CSMD1: variants seen among roughly 807,000 people sequenced by gnomAD.
The protein encoded by CSMD1 is CUB and Sushi multiple domains 1.
A neutral mutation model predicts 417.5 loss-of-function variants in CSMD1; 213 were observed. That is an observed-to-expected ratio of 0.51 (90% CI 0.46 to 0.57). The LOEUF (loss-of-function observed/expected upper bound fraction) is 0.57, where lower values mean the gene tolerates loss of function less well. CSMD1 is among the 20% of genes least tolerant of loss of function. The pLI, the probability that CSMD1 is intolerant of heterozygous loss-of-function variation, is 0.00. For missense variants in CSMD1, 6,923 were observed against 4,529.7 expected, an observed-to-expected ratio of 1.53 and a Z score of -15.17; for synonymous variants, 2,862 against 1,736.8, an observed-to-expected ratio of 1.65 and a Z score of -16.11.
chr8:3,898,476 C>T (rs541816810), intron 5 of CSMD1, among the ~76,000 whole-genome samples: 13 of 152,308 alleles, frequency 8.5e-5, no homozygotes, highest in African/African-American at 2.9e-4. Flanking sequence ...GATGTCGCAT[C>T]ATAATTGTAC....
At chr8:4,530,195 G>T (rs931070898) in intron 2 of CSMD1, among the ~76,000 whole-genome samples, 1 of 151,782 alleles carries the variant, frequency 6.6e-6, no homozygotes, top group South Asian at 2.1e-4. Flanking sequence ...TTACAGGCAC[G>T]AGCCACCGCG....
intron 3 of CSMD1, among the ~76,000 whole-genome samples, chr8:4,074,774 G>C (rs756070074): frequency 2.4e-4 from 37 of 151,994 alleles, no homozygotes; most frequent in African/African-American, 8.9e-4. Flanking sequence ...TGCTTGCAAA[G>C]TAGTTCTCTT....
chr8:4,969,284 G>T (rs1050289161), intron 1 of CSMD1, among the ~76,000 whole-genome samples: 1 of 151,838 alleles, frequency 6.6e-6, no homozygotes, highest in East Asian at 1.9e-4. Flanking sequence ...TTTTCAATTT[G>T]CTAGGGCAAA....
At chr8:3,182,973 T>C (rs1207972672) in intron 36 of CSMD1, 2 of 141,696 alleles carry the variant, frequency 1.4e-5, no homozygotes, top group Non-Finnish European at 3.0e-5. Flanking sequence ...TTAGTTAGGA[T>C]GGTCTCGATC....
intron 54 of CSMD1, among the ~76,000 whole-genome samples, chr8:2,985,388 T>G (rs193060936): frequency 1.7e-4 from 26 of 151,916 alleles, no homozygotes; most frequent in Non-Finnish European, 2.9e-4. Flanking sequence ...GGTGTGATAC[T>G]GCTACACTGC....
At chr8:3,751,298 AAG>A (rs1797324292) in intron 6 of CSMD1, among the ~76,000 whole-genome samples, 1 of 76,096 alleles carries the variant, frequency 1.3e-5, no homozygotes, top group Non-Finnish European at 2.7e-5. Context: ...TATACAATTG[AAG>A]TGTGTGTGTG....
chr8:3,624,167 G>C (rs950252299), intron 7 of CSMD1, among the ~76,000 whole-genome samples: 1 of 152,056 alleles, frequency 6.6e-6, no homozygotes, highest in African/African-American at 2.4e-5. Context: ...GCATCCAAAA[G>C]AAAAATGAAG....
rs559787977 is a variant in CSMD1 at position 4,326,169 on chromosome 8, C to G, written c.415+93784G>C. 7.9e-5 allele frequency among the ~76,000 whole-genome samples: 12 copies of G among 152,258 alleles called. No homozygotes were observed. In the South Asian group the frequency reaches 2.5e-3, roughly 32 times the overall value. Reference sequence around the variant, plus strand: ...TTTAGAGTTGTGCCAGAGAATTTGGCTTTCTAACAAGCTCCCTGGGGATGC... The same window carrying G: ...TTTAGAGTTGTGCCAGAGAATTTGGGTTTCTAACAAGCTCCCTGGGGATGC... On this transcript the variant is annotated intron_variant, in intron 3 of 69. Transcript: ENST00000635120.
intron 35 of CSMD1, 111 bp downstream of exon 35, chr8:3,188,776 A>T: frequency 1.1e-6 from 1 of 934,852 alleles, no homozygotes. Flanking sequence ...AGGAAAAAAG[A>T]GAGAGGGAGA....
intron 2 of CSMD1, among the ~76,000 whole-genome samples, chr8:4,491,668 G>A (rs187440088): frequency 6.6e-6 from 1 of 152,260 alleles, no homozygotes; most frequent in Admixed American, 6.5e-5. Flanking sequence ...TAGAACATGA[G>A]ACACCACTAC....
chr8:4,102,563 C>G (rs911974945), intron 3 of CSMD1, among the ~76,000 whole-genome samples: 2 of 150,486 alleles, frequency 1.3e-5, no homozygotes, highest in African/African-American at 4.9e-5. Context: ...TCACAGGAGG[C>G]TGACTCCCAG....
intron 21 of CSMD1, among the ~76,000 whole-genome samples, chr8:3,350,317 A>G (rs1808334912): frequency 6.8e-6 from 1 of 147,744 alleles, no homozygotes; most frequent in Non-Finnish European, 1.5e-5. Context: ...ATAACCTATA[A>G]TAACTTGTGT....
At chr8:4,992,416 C>A (rs982288285) in intron 1 of CSMD1, among the ~76,000 whole-genome samples, 5 of 152,200 alleles carry the variant, frequency 3.3e-5, no homozygotes, top group African/African-American at 1.2e-4. Context: ...CGAGAGTGAG[C>A]TCAGAGGCTG....
At chr8:3,387,737 AAT>A in intron 17 of CSMD1, 55 bp from the exon 18 acceptor site, 1 of 1,410,146 alleles carries the variant, frequency 7.1e-7, no homozygotes, top group Non-Finnish European at 9.7e-7. Flanking sequence ...GATTGAAAAT[AAT>A]AGAGACCCAC....
At chr8:4,231,034 A>G (rs13280268) in intron 3 of CSMD1, among the ~76,000 whole-genome samples, 80,025 of 151,940 alleles carry the variant, frequency 0.53, 21,704 homozygotes, top group Non-Finnish European at 0.58. Context: ...AAACTATCCA[A>G]CTTGCTACCG....
intron 5 of CSMD1, among the ~76,000 whole-genome samples, chr8:3,756,097 C>T (rs1488144410): frequency 6.6e-6 from 1 of 152,158 alleles, no homozygotes; most frequent in African/African-American, 2.4e-5. Context: ...TGGCTCACAC[C>T]TCTAATCCCA....
In CSMD1 at chr8:3,106,521, T is replaced by C; in HGVS notation, c.6949+7A>G. 6.3e-7 allele frequency: 1 copy of C among 1,579,230 alleles called. No homozygotes were observed. The highest frequency in any genetic ancestry group is 8.7e-7 in the Non-Finnish European group (1 of 1,148,644). On this transcript the variant is annotated splice_region_variant and intron_variant, in intron 46 of 69. Coordinates refer to ENST00000635120, the MANE Select transcript of CSMD1 (RefSeq NM_033225.6). ...TTTATGTAGTTTTAGTATCGAACAGTGCATACCTTCACATGTTGGGAGAGA... is the reference window on the plus strand; with the variant it reads ...TTTATGTAGTTTTAGTATCGAACAGCGCATACCTTCACATGTTGGGAGAGA...
In CSMD1 at chr8:3,754,007, C is replaced by A; in HGVS notation, c.854G>T (p.Ser285Ile). 6.2e-7 allele frequency: 1 copy of A among 1,612,736 alleles called. No homozygotes were observed. The highest frequency in any genetic ancestry group is 8.5e-7 in the Non-Finnish European group (1 of 1,179,302). The change falls in exon 6 of 70, where the codon AGT becomes ATT. Residue 285 changes from serine to isoleucine, a missense_variant. Transcript: ENST00000635120. ...TGMNLPSPVI[S>I]SKNWLRLHFT... ...ATGGAGTCGTAGCCAATTCTTGCTA[C>A]TGATAACTGGAGAGGGGAGGTTCAT...
intron 3 of CSMD1, among the ~76,000 whole-genome samples, chr8:4,160,517 T>C (rs905841440): frequency 2.6e-5 from 4 of 152,366 alleles, no homozygotes; most frequent in Admixed American, 6.5e-5. Context: ...ACAATCATTA[T>C]GCTTAAGCAA....
Sources: gnomAD v4.1 joint callset for allele counts (sites outside exome capture counted in the v4.1 genomes callset) on GRCh38, gnomAD v4.1.1 for gene constraint, MANE v1.5 for transcripts, NCBI Gene and HGNC (gene_info 2026-07-23, HGNC 2026-07-21) for gene names.